The following ZNF518A variants were observed in gnomAD, a reference collection of about 807,000 sequenced individuals.
ZNF518A encodes zinc finger protein 518.
In ZNF518A, 47 loss-of-function variants were observed where a neutral mutation model predicts 102.7. That is an observed-to-expected ratio of 0.46 (90% CI 0.36 to 0.58). The LOEUF (loss-of-function observed/expected upper bound fraction) is 0.58, where lower values mean the gene tolerates loss of function less well. Ranked by LOEUF, ZNF518A falls within the 20% of genes least tolerant of loss-of-function variation. ZNF518A has a pLI of 0.00. For missense variants in ZNF518A, 1,793 were observed against 1,699.8 expected, an observed-to-expected ratio of 1.05 and a Z score of -0.96; for synonymous variants, 652 against 594.6, an observed-to-expected ratio of 1.10 and a Z score of -1.40.
At chr10:96,154,129 A>G (rs1554881312) in intron 3 of ZNF518A, among the ~76,000 whole-genome samples, 1 of 152,184 alleles carries the variant, frequency 6.6e-6, no homozygotes, top group African/African-American at 2.4e-5. Flanking sequence ...AATTCTTTCT[A>G]CACCCAGCCT....
chr10:96,156,181 CTTTG>C lies in ZNF518A; in HGVS notation c.-126-12_-126-9del. 1 of 692,588 alleles carries C rather than the reference CTTTG, an allele frequency of 1.4e-6. No homozygotes were observed. 42.9% of individuals were successfully genotyped at this position (692,588 alleles called of 1,614,324 possible). On this transcript the variant is annotated splice_polypyrimidine_tract_variant and intron_variant, in intron 5 of 5. Transcript: ENST00000316045. ...TATTTTTGTGATGAGAATTTCAATT[CTTTG>C]TTTAATTTTAGGTGAGTTATTGTGG... is the stretch of plus-strand genomic sequence containing the variant.
chr10:96,201,297 T>C (rs1554896093), intron 1 of ZNF518A, among the ~76,000 whole-genome samples: 1 of 152,186 alleles, frequency 6.6e-6, no homozygotes, highest in Admixed American at 6.5e-5. Flanking sequence ...ATTTTCCTCA[T>C]GTAGTTCCAC....
In ZNF518A at chr10:96,163,719, G is replaced by A. The variant is rs2083084571; in HGVS notation, c.*2945G>A. The A allele has an allele frequency of 1.8e-5, 3 of 166,912 alleles. No homozygotes were observed. The highest frequency in any genetic ancestry group is 6.6e-5 in the Admixed American group (1 of 15,260). 10.3% of individuals were successfully genotyped at this position (166,912 alleles called of 1,614,324 possible). A position where few individuals can be genotyped will look rare whatever the true frequency, so the allele number is the denominator to read the frequency against. ...AAAAAACCATAGACAATATGTAAAT[G>A]AATTAGTGTGGCTATGTTTTAATAA... On this transcript the variant is annotated 3_prime_UTR_variant, in exon 6 of 6. Transcript: ENST00000316045.
intron 1 of ZNF518A, chr10:96,192,083 T>G: frequency 1.9e-6 from 3 of 1,613,732 alleles, no homozygotes; most frequent in Non-Finnish European, 2.5e-6. Context: ...TCAGCAACAC[T>G]TCCAAAGTAC....
At chr10:96,150,719 TATTGCAGCAACTTTCTTTCTTTCC>T (rs2082401444) in intron 3 of ZNF518A, among the ~76,000 whole-genome samples, 1 of 142,844 alleles carries the variant, frequency 7.0e-6, no homozygotes, top group Admixed American at 7.2e-5. Flanking sequence ...TTTTTTTTTT[TATTGCAGCAACTTTCTTTCTTTCC>T]TTTTTTTTTT....
At position 96,157,290 on chromosome 10, in the gene ZNF518A, CAAGG is replaced by C; in HGVS notation, c.972_975del (p.Lys325ArgfsTer16). 1 of 1,612,186 alleles carries C rather than the reference CAAGG, an allele frequency of 6.2e-7. No homozygotes were observed. The highest frequency in any genetic ancestry group is 8.5e-7 in the Non-Finnish European group (1 of 1,179,104). On this transcript the variant is annotated frameshift_variant, in exon 6 of 6. Coordinates refer to ENST00000316045, the MANE Select transcript of ZNF518A (RefSeq NM_001330736.2). LOFTEE classifies it high-confidence loss of function. ...CTGAAAAGATATAAAATAGGTGCAT[CAAGG>C]AAGACGTTCTGGAAACGTAAGAAAA...
intron 1 of ZNF518A, among the ~76,000 whole-genome samples, chr10:96,192,274 C>T (rs1024773265): frequency 6.6e-6 from 1 of 152,132 alleles, no homozygotes; most frequent in Non-Finnish European, 1.5e-5. Context: ...TTGGACTTTG[C>T]TGTATTAAGT....
chr10:96,149,490 A>G (rs1476940445), intron 3 of ZNF518A, among the ~76,000 whole-genome samples: 1 of 152,222 alleles, frequency 6.6e-6, no homozygotes, highest in Non-Finnish European at 1.5e-5. Flanking sequence ...CAATAGCATG[A>G]TAGAGTGGGG....
chr10:96,147,596 A>G (rs998978518), intron 3 of ZNF518A, among the ~76,000 whole-genome samples: 5 of 152,286 alleles, frequency 3.3e-5, no homozygotes, highest in Non-Finnish European at 5.9e-5. Context: ...CAAAATGTAG[A>G]ATTCTCGGTT....
intron 1 of ZNF518A, among the ~76,000 whole-genome samples, chr10:96,177,520 A>T (rs2083212711): frequency 6.6e-6 from 1 of 152,226 alleles, no homozygotes; most frequent in Admixed American, 6.5e-5. Flanking sequence ...TATAGGATTT[A>T]TTACATGTAG....
intron 3 of ZNF518A, among the ~76,000 whole-genome samples, chr10:96,154,903 C>T (rs2133732865): frequency 1.3e-5 from 2 of 152,104 alleles, no homozygotes; most frequent in South Asian, 2.1e-4. Flanking sequence ...TAATGATTCC[C>T]TCAGTAAAGG....
At chr10:96,164,710 GA>G (rs1198568989), downstream of ZNF518A, among the ~76,000 whole-genome samples, 6 of 152,072 alleles carry the variant, frequency 3.9e-5, no homozygotes, top group Non-Finnish European at 5.9e-5. Flanking sequence ...AAATAGTGTG[GA>G]AAAAATATAA....
intron 1 of ZNF518A, among the ~76,000 whole-genome samples, chr10:96,174,341 G>T (rs2083190919): frequency 6.6e-6 from 1 of 152,074 alleles, no homozygotes; most frequent in Admixed American, 6.6e-5. Flanking sequence ...ATTGCATTGA[G>T]AATAGAAAGA....
chr10:96,134,010 T>C (rs1175996055), intron 3 of ZNF518A, among the ~76,000 whole-genome samples: 2 of 152,238 alleles, frequency 1.3e-5, no homozygotes, highest in African/African-American at 2.4e-5. Context: ...TAATTCTGAA[T>C]GCTAAGAATT....
In ZNF518A at chr10:96,169,260, C is replaced by T. The variant is rs1315757206; in HGVS notation, n.35+13213C>T. ...CCTCAAGGAATCCTCCTTCCTTGGCCTCCCAAAACACTGTGATTACAGGTG... is the reference window on the plus strand; with the variant it reads ...CCTCAAGGAATCCTCCTTCCTTGGCTTCCCAAAACACTGTGATTACAGGTG... On this transcript the variant is annotated intron_variant and non_coding_transcript_variant, in intron 1 of 2. Coordinates refer to the ZNF518A transcript ENST00000442635. Among the ~76,000 whole-genome samples, 5 of 152,312 alleles carry T rather than the reference C, an allele frequency of 3.3e-5. No individual in the cohort carries two copies. The East Asian group carries it at 9.6e-4, about 29-fold the overall frequency.
intron 2 of ZNF518A, chr10:96,132,908 C>G (rs1326350653): frequency 2.0e-5 from 3 of 151,642 alleles, no homozygotes; most frequent in African/African-American, 7.3e-5. Flanking sequence ...CTCTAAAATC[C>G]TAAAAAAGAA....
rs1554885258 is a variant in ZNF518A, at chr10:96,158,929, A to G, written c.2607A>G (p.Pro869=). 2.5e-6 allele frequency: 4 copies of G among 1,613,654 alleles called. No homozygotes were observed. Among genetic ancestry groups the G allele is most frequent in the Admixed American group, 1.7e-5 (1 of 59,948 alleles). The part of the protein sequence containing the change: ...FGKEKQVSSI[P]QDVRDSEKMP... ...AAGAAAAACAAGTGTCATCAATACC[A>G]CAAGATGTGAGAGATTCAGAGAAGA... Residue 869 remains proline, a synonymous_variant, in exon 6 of 6, where the codon CCA becomes CCG. Transcript: ENST00000316045.
intron 3 of ZNF518A, among the ~76,000 whole-genome samples, chr10:96,140,183 G>T (rs967365890): frequency 6.6e-6 from 1 of 152,116 alleles, no homozygotes; most frequent in Non-Finnish European, 1.5e-5. Flanking sequence ...AGATGGAATT[G>T]ACCAGGCTTG....
At position 96,162,888 on chromosome 10, in the gene ZNF518A, T is replaced by C. The variant is rs1371128030; in HGVS notation, c.*2114T>C. 4 of 166,962 alleles carry C rather than the reference T, an allele frequency of 2.4e-5. No homozygotes were observed. Among genetic ancestry groups the C allele is most frequent in the South Asian group, 4.1e-4 (2 of 4,838 alleles). The allele number at this position is 166,962 out of a possible 1,614,324, so 10.3% of individuals were successfully genotyped here. On this transcript the variant is annotated 3_prime_UTR_variant, in exon 6 of 6. Transcript: ENST00000316045. ...TTTCTTCCCAAAATCATAGATGATA[T>C]ATTGTTTAAGAAAGGTAACATATAC... is the stretch of plus-strand genomic sequence containing the variant.
Sources: allele counts gnomAD v4.1 joint callset (sites outside exome capture counted in the v4.1 genomes callset), GRCh38; gene constraint gnomAD v4.1.1; transcripts MANE v1.5; gene names NCBI Gene and HGNC (gene_info 2026-07-23, HGNC 2026-07-21).